PHTF1: variants seen among roughly 807,000 people sequenced by gnomAD.
PHTF1 encodes the protein protein PHTF1.
PHTF1 carries 88 observed loss-of-function variants against 102.4 expected under a neutral mutation model. The ratio of observed to expected loss-of-function variants is 0.86; its 90% CI spans 0.72 to 1.03. PHTF1 has a LOEUF of 1.03. PHTF1 is among the 50% of genes least tolerant of loss of function. PHTF1 has a pLI of 0.00. For synonymous variants in PHTF1, 289 were observed against 305.2 expected, an observed-to-expected ratio of 0.95 and a Z score of 0.55; for missense variants, 814 against 909.5, an observed-to-expected ratio of 0.89 and a Z score of 1.35.
chr1:113,750,654 C>G (rs1268827170), intron 3 of PHTF1, among the ~76,000 whole-genome samples: 2 of 150,636 alleles, frequency 1.3e-5, no homozygotes, highest in Admixed American at 6.6e-5. Flanking sequence ...ATCAAGAGAT[C>G]GAGCCATCCT....
chr1:113,716,787 AC>A (rs1652111911), intron 7 of PHTF1, among the ~76,000 whole-genome samples: 2 of 152,254 alleles, frequency 1.3e-5, no homozygotes, highest in African/African-American at 4.8e-5. Context: ...TTCATCAACA[AC>A]AGACCTGCCT....
chr1:113,727,606 A>C (rs1654037369), intron 5 of PHTF1, among the ~76,000 whole-genome samples: 1 of 152,224 alleles, frequency 6.6e-6, no homozygotes, highest in South Asian at 2.1e-4. Flanking sequence ...TTAATGTAAT[A>C]ATTTCATACA....
At chr1:113,743,133 C>T (rs1345371249) in intron 3 of PHTF1, among the ~76,000 whole-genome samples, 1 of 152,128 alleles carries the variant, frequency 6.6e-6, no homozygotes, top group African/African-American at 2.4e-5. Context: ...ATAACTTAAC[C>T]TTAGCTTACT....
chr1:113,727,839 C>T (rs1050200996), intron 5 of PHTF1, among the ~76,000 whole-genome samples: 6 of 151,958 alleles, frequency 3.9e-5, no homozygotes, highest in African/African-American at 9.7e-5. Flanking sequence ...TGGTGGCACG[C>T]GCCTGTGGTC....
chr1:113,700,981 T>C, intron 15 of PHTF1, 32 bp from the exon 16 acceptor site: 2 of 1,485,582 alleles, frequency 1.3e-6, no homozygotes, highest in East Asian at 2.3e-5. Flanking sequence ...AGTTAAGTTT[T>C]TCATTTACCT....
At chr1:113,722,234 G>C (rs889247286) in intron 7 of PHTF1, among the ~76,000 whole-genome samples, 1 of 151,710 alleles carries the variant, frequency 6.6e-6, no homozygotes, top group African/African-American at 2.4e-5. Context: ...GGCGGATCAC[G>C]AGGTCAGGAG....
chr1:113,714,890 G>T (rs1651730434), intron 7 of PHTF1: 1 of 152,394 alleles, frequency 6.6e-6, no homozygotes, highest in Non-Finnish European at 1.5e-5. Context: ...CAGGGGTGCT[G>T]TGTCACTCCT....
chr1:113,734,135 C>T (rs1655123253), intron 5 of PHTF1, among the ~76,000 whole-genome samples: 2 of 152,162 alleles, frequency 1.3e-5, no homozygotes, highest in South Asian at 4.1e-4. Context: ...TGGCAGGTGC[C>T]TGTAATCCCC....
Position 113,724,816 on chromosome 1 carries a change from T to G in PHTF1, c.566A>C (p.Glu189Ala). Residue 189 changes from glutamate to alanine, a missense_variant, in exon 7 of 19, where the codon GAA becomes GCA. Coordinates refer to ENST00000369604, the MANE Select transcript of PHTF1 (RefSeq NM_001323043.2). ...AATAATGGGTACAGATTCCAAAGTT[T>G]CTATTCCTCTGACTTTATCAGAGGA... ...NNSSDKVRGI[E>A]TLESVPIIGG... The G allele has an allele frequency of 6.2e-7, 1 of 1,611,802 alleles. No individual in the cohort carries two copies. Among genetic ancestry groups the G allele is most frequent in the Non-Finnish European group, 8.5e-7 (1 of 1,178,580 alleles).
At chr1:113,730,549 T>A (rs1017884144) in intron 5 of PHTF1, among the ~76,000 whole-genome samples, 3 of 152,214 alleles carry the variant, frequency 2.0e-5, no homozygotes, top group Admixed American at 6.5e-5. Context: ...ACCATATGGT[T>A]GTATCATTAT....
chr1:113,698,618 TATACACACACACACACACACACACACAC>T (rs1192106099), intron 17 of PHTF1, among the ~76,000 whole-genome samples: 2 of 115,736 alleles, frequency 1.7e-5, no homozygotes, highest in African/African-American at 2.9e-5. Context: ...TATATATATA[TATACACACACACACACACACACACACAC>T]ACACACACAC....
At chr1:113,720,567 A>G (rs190931871) in intron 7 of PHTF1, among the ~76,000 whole-genome samples, 1 of 152,342 alleles carries the variant, frequency 6.6e-6, no homozygotes, top group African/African-American at 2.4e-5. Context: ...AAAACATTCC[A>G]GAAAATTAAA....
chr1:113,700,279 G>T, intron 16 of PHTF1: 1 of 543,984 alleles, frequency 1.8e-6, no homozygotes, highest in Non-Finnish European at 2.3e-6. Context: ...AATGATAAAT[G>T]TTTTTATTCA....
At chr1:113,704,212 C>T in intron 14 of PHTF1, 45 bp from the exon 15 acceptor site, 1 of 1,127,106 alleles carries the variant, frequency 8.9e-7, no homozygotes, top group Non-Finnish European at 1.3e-6. Context: ...TACTGGCAGA[C>T]AGCAACCGCC....
chr1:113,732,458 T>G (rs1250271166), intron 5 of PHTF1, among the ~76,000 whole-genome samples: 2 of 152,054 alleles, frequency 1.3e-5, no homozygotes, highest in East Asian at 3.8e-4. Flanking sequence ...ATCACACCAT[T>G]GCACTCCAGT....
At chr1:113,713,750 A>T (rs1651534370) in intron 7 of PHTF1, 1 of 271,476 alleles carries the variant, frequency 3.7e-6, no homozygotes, top group Non-Finnish European at 6.9e-6. Context: ...CTCCTACCTT[A>T]TATCGTCTGT....
chr1:113,703,990 ATACT>A, intron 15 of PHTF1, 87 bp downstream of exon 15: 1 of 670,114 alleles, frequency 1.5e-6, no homozygotes, highest in Non-Finnish European at 2.5e-6. Context: ...TTAAAAATAC[ATACT>A]TAAGGACAGT....
At chr1:113,726,274 GTGCAAAGTAA>G (rs1653814652) in intron 6 of PHTF1, 134 bp downstream of exon 6, 3 of 644,390 alleles carry the variant, frequency 4.7e-6, no homozygotes, top group Middle Eastern at 4.2e-4. Context: ...AAGGAGAAAA[GTGCAAAGTAA>G]TGCATTCATT....
Position 113,759,379 on chromosome 1 carries a change from G to A in PHTF1, c.-387C>T, listed in dbSNP as rs1229773991. The A allele has an allele frequency of 6.6e-6, 1 of 152,372 alleles. No homozygotes were observed. Among genetic ancestry groups the A allele is most frequent in the Admixed American group, 6.5e-5 (1 of 15,292 alleles). 9.4% of individuals were successfully genotyped at this position (152,372 alleles called of 1,614,324 possible). A position where few individuals can be genotyped will look rare whatever the true frequency, so the allele number is the denominator to read the frequency against. On this transcript the variant is annotated 5_prime_UTR_variant, in exon 1 of 19. Coordinates refer to ENST00000369604, the MANE Select transcript of PHTF1 (RefSeq NM_001323043.2). ...GCTTTGTGCCCAGCTGGAAAAGACA[G>A]GTGCAAAGGCCCCGGACCCCGAGAG... is the stretch of plus-strand genomic sequence containing the variant.
Sources: gnomAD v4.1 joint callset for allele counts (sites outside exome capture counted in the v4.1 genomes callset) on GRCh38, gnomAD v4.1.1 for gene constraint, MANE v1.5 for transcripts, NCBI Gene and HGNC (gene_info 2026-07-23, HGNC 2026-07-21) for gene names.